The following ZNF138 variants were observed in gnomAD, a reference collection of about 807,000 sequenced individuals.
ZNF138 encodes the protein zinc finger protein 138.
ZNF138 carries 33 observed loss-of-function variants against 33.0 expected under a neutral mutation model. The observed-to-expected ratio is 1.00, with a 90% confidence interval of 0.76 to 1.34. ZNF138 has a LOEUF of 1.34. Ranked by LOEUF, ZNF138 falls within the 40% of genes most tolerant of loss-of-function variation. The pLI is 0.00. For synonymous variants in ZNF138, 139 were observed against 120.4 expected (o/e 1.15, Z -1.01); for missense variants, 360 against 370.8 (o/e 0.97, Z 0.24).
rs528758818 is a variant in ZNF138, at chr7:64,822,944, G to A, written c.208+7291G>A. ...TGCCCAGGCTAGAGTGTAATGGCAC[G>A]ATCTTGGCCCACTGCAACCTCCTCC... On this transcript the variant is annotated intron_variant, in intron 3 of 3. Transcript: ENST00000307355. Among the ~76,000 whole-genome samples, 524 of 151,950 alleles carry A rather than the reference G, an allele frequency of 3.4e-3. 8 individuals are homozygous for A. Among genetic ancestry groups the A allele is most frequent in the African/African-American group, 0.012 (504 of 41,408 alleles).
chr7:64,859,371 A>G, the ZNF138 span, among the ~76,000 whole-genome samples: 5 of 152,166 alleles, frequency 3.3e-5, no homozygotes, highest in African/African-American at 1.2e-4. Flanking sequence ...TACATTAAGG[A>G]CATTATTTAT....
chr7:64,860,528 G>T, the ZNF138 span, among the ~76,000 whole-genome samples: 2 of 152,048 alleles, frequency 1.3e-5, no homozygotes, highest in African/African-American at 4.8e-5. Flanking sequence ...ATGCAATAAT[G>T]ATATGAACAT....
At position 64,822,543 on chromosome 7, in the gene ZNF138, C is replaced by T. The variant is rs981400494; in HGVS notation, c.208+6890C>T. On this transcript the variant is annotated intron_variant, in intron 3 of 3. Coordinates refer to ENST00000307355, the MANE Select transcript of ZNF138 (RefSeq NM_001271639.2). ...TTTTCAACATTACTTTTCCAAGAGA[C>T]GATCTTTTCTCTATTGTGTGCTCAT... Among the ~76,000 whole-genome samples, 7 of 151,462 alleles carry T rather than the reference C, an allele frequency of 4.6e-5. No homozygotes were observed. In the South Asian group the frequency reaches 1.0e-3, roughly 22 times the overall value.
At position 64,814,955 on chromosome 7, in the gene ZNF138, C is replaced by G; in HGVS notation, c.41C>G (p.Ser14Cys). The change falls in exon 2 of 4, where the codon TCT (serine) becomes TGT (cysteine). Residue 14 changes from serine to cysteine, a missense_variant. Coordinates refer to ENST00000307355, the MANE Select transcript of ZNF138 (RefSeq NM_001271639.2). ...LTFMDVAIEFSLEEWQCLDTA... is the reference protein window; with the variant it reads ...LTFMDVAIEFCLEEWQCLDTA... ...TTTATGGATGTGGCCATAGAGTTCT[C>G]TTTGGAGGAGTGGCAGTGCCTGGAC... is the stretch of plus-strand genomic sequence containing the variant. 6.2e-7 allele frequency: 1 copy of G among 1,613,312 alleles called. No homozygotes were observed. The highest frequency in any genetic ancestry group is 8.5e-7 in the Non-Finnish European group (1 of 1,179,592).
At chr7:64,841,967 T>C in the ZNF138 span, among the ~76,000 whole-genome samples, 1 of 152,214 alleles carries the variant, frequency 6.6e-6, no homozygotes, top group African/African-American at 2.4e-5. Flanking sequence ...TGTGACACAT[T>C]TAATATTTGC....
At chr7:64,848,226 T>C in the ZNF138 span, among the ~76,000 whole-genome samples, 1 of 152,172 alleles carries the variant, frequency 6.6e-6, no homozygotes, top group African/African-American at 2.4e-5. Flanking sequence ...GCTCTTAATC[T>C]GATAGGTTTT....
intron 1 of ZNF138, among the ~76,000 whole-genome samples, chr7:64,807,491 G>A (rs568029872): frequency 5.3e-5 from 8 of 152,290 alleles, no homozygotes; most frequent in South Asian, 2.1e-4. Context: ...TTAGGTAGAC[G>A]TATCACTTAG....
intron 1 of ZNF138, chr7:64,814,281 C>G: frequency 3.1e-6 from 1 of 321,176 alleles, no homozygotes; most frequent in South Asian, 4.6e-5. Context: ...CGTGCCTTTT[C>G]CATCTGAAAA....
chr7:64,835,636 A>G (rs1790346288), downstream of ZNF138: 1 of 152,108 alleles, frequency 6.6e-6, no homozygotes, highest in Non-Finnish European at 1.5e-5. Flanking sequence ...TTCTTCCTGT[A>G]AGAATAAACA....
In ZNF138 at chr7:64,832,515, G is replaced by A. The variant is rs372259695; in HGVS notation, c.*313G>A. On this transcript the variant is annotated 3_prime_UTR_variant, in exon 4 of 4. Transcript: ENST00000307355. ...GAAACCCCACAAATGTGGAGAATGC[G>A]GAAAAGCCTTTAACTGGTCCTCAAC... 2.3e-5 allele frequency: 21 copies of A among 900,296 alleles called. No individual in the cohort carries two copies. Among genetic ancestry groups the A allele is most frequent in the African/African-American group, 1.2e-4 (7 of 58,748 alleles). 55.8% of individuals were successfully genotyped at this position (900,296 alleles called of 1,614,324 possible). A position where few individuals can be genotyped will look rare whatever the true frequency, so the allele number is the denominator to read the frequency against.
At chr7:64,813,769 A>G (rs552234683) in intron 1 of ZNF138, among the ~76,000 whole-genome samples, 3 of 151,918 alleles carry the variant, frequency 2.0e-5, no homozygotes, top group South Asian at 2.1e-4. Context: ...TCAGACTACA[A>G]TTTACTTTTG....
chr7:64,827,987 G>A (rs926251396), intron 3 of ZNF138, among the ~76,000 whole-genome samples: 3 of 152,054 alleles, frequency 2.0e-5, no homozygotes, highest in East Asian at 1.9e-4. Flanking sequence ...TTGCCTCTAT[G>A]AATATTATCC....
At chr7:64,807,815 G>C (rs1037879870) in intron 1 of ZNF138, among the ~76,000 whole-genome samples, 9 of 152,298 alleles carry the variant, frequency 5.9e-5, no homozygotes, top group African/African-American at 2.2e-4. Context: ...TGTGTAAATA[G>C]AATCTGATGG....
rs907354291 is a variant in ZNF138, at chr7:64,832,803, C to A, written c.*601C>A. 2 of 448,178 alleles carry A rather than the reference C, an allele frequency of 4.5e-6. No individual in the cohort carries two copies. Among genetic ancestry groups the A allele is most frequent in the Non-Finnish European group, 9.0e-6 (2 of 223,146 alleles). The allele number at this position is 448,178 out of a possible 1,614,324, so 27.8% of individuals were successfully genotyped here. A position where few individuals can be genotyped will look rare whatever the true frequency, so the allele number is the denominator to read the frequency against. On this transcript the variant is annotated 3_prime_UTR_variant, in exon 4 of 4. Coordinates refer to ENST00000307355, the MANE Select transcript of ZNF138 (RefSeq NM_001271639.2). ...TAGCCAACTCTCAAACCTTACTAAA[C>A]ACAAGAAGATTCATACTAGAGAGAA...
At position 64,831,963 on chromosome 7, in the gene ZNF138, CAT is replaced by C; in HGVS notation, c.723_724del (p.His241GlnfsTer11). 6.2e-7 allele frequency: 1 copy of C among 1,613,326 alleles called. No individual in the cohort carries two copies. The highest frequency in any genetic ancestry group is 8.5e-7 in the Non-Finnish European group (1 of 1,179,690). ...TCACCAATCCTCAATCCTTACTAAA[CAT>C]AAGATAATTCGTACTGGAGAAAAAC... is the stretch of plus-strand genomic sequence containing the variant. ...AFHQSSILTK[H>X]KIIRTGEKPY... is the part of the protein sequence containing the mutation. On this transcript the variant is annotated frameshift_variant, in exon 4 of 4. Coordinates refer to ENST00000307355, the MANE Select transcript of ZNF138 (RefSeq NM_001271639.2). LOFTEE classifies it high-confidence loss of function.
intron 3 of ZNF138, among the ~76,000 whole-genome samples, chr7:64,823,637 T>C (rs1387107792): frequency 6.6e-6 from 1 of 152,142 alleles, no homozygotes; most frequent in Non-Finnish European, 1.5e-5. Flanking sequence ...ACCCAGCTGG[T>C]ATTCTTAAAT....
chr7:64,810,175 A>G (rs1464220960), intron 1 of ZNF138, among the ~76,000 whole-genome samples: 1 of 138,044 alleles, frequency 7.2e-6, no homozygotes, highest in African/African-American at 2.7e-5. Context: ...ACCATTGAGC[A>G]CTGAGTGAAC....
chr7:64,799,085 T>G (rs1229361868), intron 1 of ZNF138, among the ~76,000 whole-genome samples: 2 of 152,192 alleles, frequency 1.3e-5, no homozygotes, highest in East Asian at 3.8e-4. Flanking sequence ...CTGTTAAGAA[T>G]GTTTTTGGTA....
At chr7:64,824,180 C>A (rs1205132846) in intron 3 of ZNF138, among the ~76,000 whole-genome samples, 3 of 152,086 alleles carry the variant, frequency 2.0e-5, no homozygotes, top group African/African-American at 7.2e-5. Flanking sequence ...GCAAATTTTT[C>A]ATGAATGGCG....
Sources: gnomAD v4.1 joint callset for allele counts (sites outside exome capture counted in the v4.1 genomes callset) on GRCh38, gnomAD v4.1.1 for gene constraint, MANE v1.5 for transcripts, NCBI Gene and HGNC (gene_info 2026-07-23, HGNC 2026-07-21) for gene names.